ZNF787: variants seen among roughly 807,000 people sequenced by gnomAD.
The protein encoded by ZNF787 is zinc finger protein 787.
In ZNF787, 7 loss-of-function variants were observed where a neutral mutation model predicts 16.9. The ratio of observed to expected loss-of-function variants is 0.42; its 90% CI spans 0.24 to 0.78. ZNF787 has a LOEUF of 0.78. ZNF787 is among the 30% of genes least tolerant of loss of function. The probability of loss-of-function intolerance (pLI) is 0.30; values close to 1 mark genes in which losing one functional copy is unlikely to be tolerated. For synonymous variants in ZNF787, 345 were observed against 270.9 expected, an observed-to-expected ratio of 1.27 and a Z score of -2.69; for missense variants, 551 against 589.3, an observed-to-expected ratio of 0.94 and a Z score of 0.67.
chr19:56,102,255 G>A (rs1986127078), intron 2 of ZNF787: 1 of 152,438 alleles, frequency 6.6e-6, no homozygotes. Context: ...GTATCTGTGA[G>A]GCCCGCAGCC....
intron 1 of ZNF787, among the ~76,000 whole-genome samples, chr19:56,106,654 T>TC (rs900107590): frequency 4.2e-4 from 63 of 151,710 alleles, no homozygotes; most frequent in African/African-American, 1.4e-3. Flanking sequence ...CCCACCTCGT[T>TC]CCCCAACAAC....
rs1177500484 is a variant in ZNF787 at position 56,087,709 on chromosome 19, G to A, written c.*314C>T. On this transcript the variant is annotated 3_prime_UTR_variant, in exon 3 of 3. Transcript: ENST00000610935. ...ACAACTGAGGAAGAGCAGGGAAAATGGCCTTCCGCTTGGGGCCTGGTCGCC... is the reference window on the plus strand; with the variant it reads ...ACAACTGAGGAAGAGCAGGGAAAATAGCCTTCCGCTTGGGGCCTGGTCGCC... The A allele has an allele frequency of 2.8e-5, 6 of 214,910 alleles. No homozygotes were observed. Among genetic ancestry groups the A allele is most frequent in the African/African-American group, 9.4e-5 (4 of 42,678 alleles). 13.3% of individuals were successfully genotyped at this position (214,910 alleles called of 1,614,324 possible).
At chr19:56,092,077 A>G (rs1376395967) in intron 2 of ZNF787, among the ~76,000 whole-genome samples, 1 of 143,038 alleles carries the variant, frequency 7.0e-6, no homozygotes, top group Non-Finnish European at 1.5e-5. Context: ...TCACCCTCAC[A>G]GGAGCAATGA....
At chr19:56,105,025 G>A (rs1986247151) in intron 1 of ZNF787, among the ~76,000 whole-genome samples, 1 of 152,158 alleles carries the variant, frequency 6.6e-6, no homozygotes, top group Non-Finnish European at 1.5e-5. Flanking sequence ...CTACTCAGGA[G>A]GCTAAGGCAG....
chr19:56,105,637 G>A (rs1321611793), intron 1 of ZNF787: 1 of 152,118 alleles, frequency 6.6e-6, no homozygotes, highest in African/African-American at 2.4e-5. Context: ...CAGGAGCCAC[G>A]AGAAACCTGC....
intron 1 of ZNF787, among the ~76,000 whole-genome samples, chr19:56,115,821 C>T (rs1484784325): frequency 1.3e-5 from 2 of 152,174 alleles, no homozygotes; most frequent in Non-Finnish European, 2.9e-5. Flanking sequence ...GTGGAGACAG[C>T]GGGGCACAGC....
intron 1 of ZNF787, among the ~76,000 whole-genome samples, chr19:56,118,555 T>C (rs2030202094): frequency 6.6e-6 from 1 of 152,058 alleles, no homozygotes; most frequent in Non-Finnish European, 1.5e-5. Flanking sequence ...AGAGCCTCCA[T>C]CCCATACCCC....
At chr19:56,101,497 C>T (rs1366618214) in intron 2 of ZNF787, among the ~76,000 whole-genome samples, 1 of 152,194 alleles carries the variant, frequency 6.6e-6, no homozygotes, top group Non-Finnish European at 1.5e-5. Flanking sequence ...GTATGAGTGA[C>T]TTGTAAAATT....
chr19:56,105,519 A>C (rs2123414695), intron 1 of ZNF787: 1 of 152,194 alleles, frequency 6.6e-6, no homozygotes, highest in East Asian at 1.9e-4. Context: ...AGAACAAAAA[A>C]ACCTCCTACC....
intron 2 of ZNF787, among the ~76,000 whole-genome samples, chr19:56,090,821 C>G (rs1452339085): frequency 6.6e-6 from 1 of 152,160 alleles, no homozygotes; most frequent in Non-Finnish European, 1.5e-5. Context: ...GACTCCATCT[C>G]AAAACAAAAC....
At chr19:56,092,137 G>C (rs532467062) in intron 2 of ZNF787, among the ~76,000 whole-genome samples, 17 of 152,112 alleles carry the variant, frequency 1.1e-4, no homozygotes, top group African/African-American at 3.9e-4. Context: ...GGGATTCAAC[G>C]AATTCCCAGC....
intron 1 of ZNF787, among the ~76,000 whole-genome samples, chr19:56,108,552 C>T (rs2029892650): frequency 6.6e-6 from 1 of 152,020 alleles, no homozygotes; most frequent in Admixed American, 6.6e-5. Context: ...TACTCTGCCA[C>T]TCTCCGTGTC....
At chr19:56,116,367 A>G (rs568207245) in intron 1 of ZNF787, among the ~76,000 whole-genome samples, 12 of 152,096 alleles carry the variant, frequency 7.9e-5, no homozygotes, top group Middle Eastern at 3.4e-3. Flanking sequence ...GCATAAACCC[A>G]GGAGGCGGAG....
At chr19:56,092,506 A>G (rs1985653419) in intron 2 of ZNF787, among the ~76,000 whole-genome samples, 1 of 147,440 alleles carries the variant, frequency 6.8e-6, no homozygotes, top group African/African-American at 2.5e-5. Context: ...AAATGTTTCT[A>G]GAGCAAAATC....
At chr19:56,102,661 CCCT>C in intron 2 of ZNF787, 1 of 504,608 alleles carries the variant, frequency 2.0e-6, no homozygotes. Flanking sequence ...CCTGCGGGTT[CCCT>C]GCACTCCTGA....
At position 56,097,944 on chromosome 19, in the gene ZNF787, C is replaced by G. The variant is rs1985932395; in HGVS notation, c.79+5195G>C. ...TTCGGGAGGCTTGGGGGAGAAGAGG[C>G]ATGGAGACTTTTGTTCAGACAACCT... On this transcript the variant is annotated intron_variant, in intron 2 of 2. Coordinates refer to ENST00000610935, the MANE Select transcript of ZNF787 (RefSeq NM_001002836.4). Among the ~76,000 whole-genome samples, 4 of 149,718 alleles carry G rather than the reference C, an allele frequency of 2.7e-5. No homozygotes were observed. The South Asian group carries it at 8.3e-4, about 31-fold the overall frequency.
At chr19:56,118,891 T>C (rs2030211154) in intron 1 of ZNF787, among the ~76,000 whole-genome samples, 2 of 152,116 alleles carry the variant, frequency 1.3e-5, no homozygotes, top group African/African-American at 2.4e-5. Flanking sequence ...ACCCCTGCCA[T>C]TCCCTGCCCA....
intron 1 of ZNF787, among the ~76,000 whole-genome samples, chr19:56,105,166 T>A (rs1349508271): frequency 6.8e-6 from 1 of 147,624 alleles, no homozygotes; most frequent in Non-Finnish European, 1.5e-5. Flanking sequence ...AATAAAAAAA[T>A]AAAATGAAAC....
intron 2 of ZNF787, among the ~76,000 whole-genome samples, chr19:56,100,050 G>A (rs1986032227): frequency 6.6e-6 from 1 of 152,196 alleles, no homozygotes; most frequent in East Asian, 1.9e-4. Flanking sequence ...GGGCCGTGGT[G>A]GGAAGAAGCG....
Sources: gnomAD v4.1 joint callset for allele counts (sites outside exome capture counted in the v4.1 genomes callset) on GRCh38, gnomAD v4.1.1 for gene constraint, MANE v1.5 for transcripts, NCBI Gene and HGNC (gene_info 2026-07-23, HGNC 2026-07-21) for gene names.